GPC6: variants seen among roughly 807,000 people sequenced by gnomAD.
GPC6 encodes glypican 6.
Under a neutral mutation model 55.2 loss-of-function variants are expected in GPC6, and 14 were observed. That is an observed-to-expected ratio of 0.25 (90% CI 0.17 to 0.40). The LOEUF (loss-of-function observed/expected upper bound fraction) is 0.40, where lower values mean the gene tolerates loss of function less well. Ranked by LOEUF, GPC6 falls within the 10% of genes least tolerant of loss-of-function variation. The probability of loss-of-function intolerance (pLI) is 1.00; values close to 1 mark genes in which losing one functional copy is unlikely to be tolerated. For synonymous variants in GPC6, 278 were observed against 259.6 expected, an observed-to-expected ratio of 1.07 and a Z score of -0.68; for missense variants, 641 against 708.5, an observed-to-expected ratio of 0.90 and a Z score of 1.08.
intron 6 of GPC6, among the ~76,000 whole-genome samples, chr13:94,376,820 C>G (rs1408950048): frequency 2.6e-5 from 4 of 151,770 alleles, no homozygotes; most frequent in Non-Finnish European, 5.9e-5. Context: ...CTACAGTAAC[C>G]AAAACAGCAT....
chr13:93,382,401 T>C (rs963601707), intron 1 of GPC6, among the ~76,000 whole-genome samples: 19 of 152,206 alleles, frequency 1.2e-4, no homozygotes, highest in African/African-American at 4.6e-4. Flanking sequence ...ACTTCAGCTT[T>C]TTCAATCGAT....
chr13:93,983,561 GA>G (rs1332331443), intron 3 of GPC6, among the ~76,000 whole-genome samples: 1 of 151,930 alleles, frequency 6.6e-6, no homozygotes, highest in East Asian at 1.9e-4. Context: ...TCATCCTCTT[GA>G]GTAGCTGAGA....
intron 3 of GPC6, among the ~76,000 whole-genome samples, chr13:93,946,798 C>T (rs922208494): frequency 2.0e-5 from 3 of 152,094 alleles, no homozygotes; most frequent in Non-Finnish European, 2.9e-5. Context: ...GGTTTTGGCT[C>T]CTGTGTATTT....
intron 1 of GPC6, among the ~76,000 whole-genome samples, chr13:93,469,470 G>GA (rs942131289): frequency 6.6e-6 from 1 of 151,972 alleles, no homozygotes; most frequent in Non-Finnish European, 1.5e-5. Context: ...ATGTATCACA[G>GA]AAAAAAACTC....
At chr13:94,335,493 C>T (rs1387722201) in intron 6 of GPC6, among the ~76,000 whole-genome samples, 2 of 152,180 alleles carry the variant, frequency 1.3e-5, no homozygotes, top group South Asian at 4.2e-4. Context: ...ATAATTTGTT[C>T]CTTAGACAAT....
At chr13:93,250,219 C>T (rs555306722) in intron 1 of GPC6, among the ~76,000 whole-genome samples, 8 of 152,260 alleles carry the variant, frequency 5.3e-5, no homozygotes, top group South Asian at 2.1e-4. Context: ...CTGACAAGTA[C>T]GAAAGGCTGT....
At chr13:93,927,693 A>C (rs2140351334) in intron 3 of GPC6, among the ~76,000 whole-genome samples, 1 of 152,174 alleles carries the variant, frequency 6.6e-6, no homozygotes, top group Non-Finnish European at 1.5e-5. Flanking sequence ...TTGTGAAAAA[A>C]AAAAAAAAAA....
chr13:93,460,632 C>T lies in GPC6; in HGVS notation c.161-84631C>T, dbSNP rs147449590. ...AAAGAACTCTTGATGTATTGGAAAA[C>T]GTAATGAAAATATTAATAATTATCT... On this transcript the variant is annotated intron_variant, in intron 1 of 8. Transcript: ENST00000377047. 4.4e-3 allele frequency among the ~76,000 whole-genome samples: 676 copies of T among 151,996 alleles called. 7 individuals carry two copies. The highest frequency in any genetic ancestry group is 0.016 in the African/African-American group (649 of 41,450).
intron 2 of GPC6, among the ~76,000 whole-genome samples, chr13:93,816,002 TC>T (rs1450751279): frequency 6.6e-6 from 1 of 152,210 alleles, no homozygotes; most frequent in African/African-American, 2.4e-5. Context: ...GTTATTGTTT[TC>T]AAATTGTTTG....
At chr13:93,887,911 A>G (rs1176765531) in intron 3 of GPC6, among the ~76,000 whole-genome samples, 1 of 152,132 alleles carries the variant, frequency 6.6e-6, no homozygotes, top group Non-Finnish European at 1.5e-5. Context: ...AAATGGCATC[A>G]GGACATTCTG....
At chr13:93,238,647 G>C (rs1045666821) in intron 1 of GPC6, among the ~76,000 whole-genome samples, 10 of 151,790 alleles carry the variant, frequency 6.6e-5, no homozygotes, top group Non-Finnish European at 1.5e-4. Context: ...TCCTTGTCTT[G>C]TTCCACTTAT....
chr13:94,145,519 C>G (rs531393363), intron 4 of GPC6, among the ~76,000 whole-genome samples: 1 of 151,552 alleles, frequency 6.6e-6, no homozygotes, highest in Non-Finnish European at 1.5e-5. Context: ...TGCTTAAAGT[C>G]TCATATGTGT....
In GPC6 at chr13:94,403,649, G is replaced by A; in HGVS notation, c.*432G>A. 4.4e-6 allele frequency: 1 copy of A among 227,378 alleles called. No homozygotes were observed. The highest frequency in any genetic ancestry group is 2.3e-5 in the African/African-American group (1 of 43,558). The allele number at this position is 227,378 out of a possible 1,614,324, so 14.1% of individuals were successfully genotyped here. On this transcript the variant is annotated 3_prime_UTR_variant, in exon 9 of 9. Transcript: ENST00000377047. ...CATTTTCAACAAAAAAGCAAACAGA[G>A]AAAAATAAATGAACTTTAACACTGT...
rs1555287711 is a variant in GPC6 at position 93,285,640 on chromosome 13, G to GTGTGTGTA, written c.160+58031_160+58032insATGTGTGT. On this transcript the variant is annotated intron_variant, in intron 1 of 8. Transcript: ENST00000377047. ...GCTGTGTGTGTGTGTGTGTGTGTGT[G>GTGTGTGTA]TGTGTGTGTGTGTGTGTGTGTGTAT... Among the ~76,000 whole-genome samples the GTGTGTGTA allele has an allele frequency of 1.2e-3, 179 of 151,312 alleles. 1 individual carries two copies. Among genetic ancestry groups the GTGTGTGTA allele is most frequent in the African/African-American group, 4.0e-3 (163 of 41,096 alleles).
chr13:94,231,990 C>T (rs538237447), intron 4 of GPC6, among the ~76,000 whole-genome samples: 1 of 152,000 alleles, frequency 6.6e-6, no homozygotes, highest in South Asian at 2.1e-4. Context: ...TATTGTAAAC[C>T]AACAAGAGCC....
At chr13:93,741,275 C>T (rs775313785) in intron 2 of GPC6, among the ~76,000 whole-genome samples, 9 of 151,724 alleles carry the variant, frequency 5.9e-5, no homozygotes, top group Non-Finnish European at 1.2e-4. Context: ...CCACCACACC[C>T]GGCTAATATT....
At chr13:93,576,753 C>T (rs9584139) in intron 2 of GPC6, among the ~76,000 whole-genome samples, 4,983 of 152,160 alleles carry the variant, frequency 0.033, 257 homozygotes, top group African/African-American at 0.11. Context: ...CTTGAAAACA[C>T]AAATTCTGAT....
At chr13:93,308,272 G>A (rs1824324067) in intron 1 of GPC6, among the ~76,000 whole-genome samples, 1 of 152,116 alleles carries the variant, frequency 6.6e-6, no homozygotes, top group Admixed American at 6.5e-5. Context: ...GTGACAGAGT[G>A]AGACTCCATC....
chr13:93,424,723 GA>G (rs1312559629), intron 1 of GPC6, among the ~76,000 whole-genome samples: 1 of 152,074 alleles, frequency 6.6e-6, no homozygotes, highest in African/African-American at 2.4e-5. Context: ...ATGTGTGAGA[GA>G]GAGGTTTTTG....
Sources: gnomAD v4.1 joint callset for allele counts (sites outside exome capture counted in the v4.1 genomes callset) on GRCh38, gnomAD v4.1.1 for gene constraint, MANE v1.5 for transcripts, NCBI Gene and HGNC (gene_info 2026-07-23, HGNC 2026-07-21) for gene names.